Variants in RIMS1 observed in about 807,000 individuals in gnomAD.
RIMS1 encodes regulating synaptic membrane exocytosis protein 1.
In RIMS1, 83 loss-of-function variants were observed where a neutral mutation model predicts 214.1. The observed-to-expected ratio is 0.39, with a 90% CI of 0.32 to 0.47. The LOEUF is 0.47. Among genes scored for constraint, RIMS1 ranks in the 20% least tolerant of loss-of-function variants. The pLI, the probability that RIMS1 is intolerant of heterozygous loss-of-function variation, is 0.99. For missense variants in RIMS1, 2,050 were observed against 2,161.8 expected (o/e 0.95, Z 1.03); for synonymous variants, 793 against 786.8 (o/e 1.01, Z -0.13).
At chr6:72,226,679 A>G (rs1299946664) in intron 6 of RIMS1, among the ~76,000 whole-genome samples, 2 of 152,190 alleles carry the variant, frequency 1.3e-5, no homozygotes, top group Non-Finnish European at 2.9e-5. Flanking sequence ...CTTCAAGGAA[A>G]CATTGTTAGG....
chr6:72,018,110 T>C (rs1401649866), intron 2 of RIMS1, among the ~76,000 whole-genome samples: 1 of 151,522 alleles, frequency 6.6e-6, no homozygotes, highest in African/African-American at 2.4e-5. Flanking sequence ...AAACAACCCA[T>C]AAGAGTGCAG....
intron 1 of RIMS1, among the ~76,000 whole-genome samples, chr6:71,930,712 G>A (rs981773241): frequency 1.3e-5 from 2 of 151,912 alleles, no homozygotes; most frequent in Non-Finnish European, 1.5e-5. Context: ...TTTTCATAAC[G>A]AAAATCAAAA....
chr6:72,361,520 T>C (rs2097825315), intron 29 of RIMS1, among the ~76,000 whole-genome samples: 1 of 152,210 alleles, frequency 6.6e-6, no homozygotes. Flanking sequence ...TTCAAGTATT[T>C]TCAAAGTATT....
chr6:71,895,119 A>G (rs1771261057), intron 1 of RIMS1, among the ~76,000 whole-genome samples: 1 of 152,222 alleles, frequency 6.6e-6, no homozygotes, highest in South Asian at 2.1e-4. Flanking sequence ...CATAATATAC[A>G]CACTCACAAG....
intron 4 of RIMS1, among the ~76,000 whole-genome samples, chr6:72,149,793 T>C (rs550740679): frequency 2.0e-4 from 30 of 152,344 alleles, no homozygotes; most frequent in African/African-American, 7.0e-4. Flanking sequence ...ACATCCTTGA[T>C]TGAGCCTTTC....
chr6:72,263,241 T>C, intron 19 of RIMS1: 1 of 985,156 alleles, frequency 1.0e-6, no homozygotes, highest in Non-Finnish European at 1.2e-6. Context: ...TTAGTTTCTT[T>C]TCTCCCAAAT....
At chr6:72,194,896 T>C (rs142411771) in intron 6 of RIMS1, among the ~76,000 whole-genome samples, 2,546 of 152,300 alleles carry the variant, frequency 0.017, 33 homozygotes, top group Non-Finnish European at 0.023. Flanking sequence ...TCTCTTGTCT[T>C]TTAGCTTATA....
At chr6:71,981,795 A>T (rs1798551998) in intron 2 of RIMS1, among the ~76,000 whole-genome samples, 2 of 151,958 alleles carry the variant, frequency 1.3e-5, no homozygotes, top group African/African-American at 4.8e-5. Context: ...ATTTTTTTTT[A>T]AATCATTCAC....
intron 2 of RIMS1, among the ~76,000 whole-genome samples, chr6:71,995,522 T>TTG (rs567610596): frequency 2.4e-4 from 35 of 148,748 alleles, no homozygotes; most frequent in South Asian, 2.3e-3. Flanking sequence ...TTGTGTTTGT[T>TTG]TGTGTGTGTG....
intron 1 of RIMS1, among the ~76,000 whole-genome samples, chr6:71,964,054 G>A (rs986945902): frequency 2.0e-5 from 3 of 152,168 alleles, no homozygotes; most frequent in Non-Finnish European, 2.9e-5. Flanking sequence ...GTAGAGCAAC[G>A]TGAAGGGTGC....
chr6:72,351,386 T>C (rs903185045), intron 29 of RIMS1, among the ~76,000 whole-genome samples: 1 of 152,206 alleles, frequency 6.6e-6, no homozygotes, highest in African/African-American at 2.4e-5. Context: ...TCCACAGATA[T>C]TGATCAAGTG....
At chr6:72,208,328 C>T (rs978775899) in intron 6 of RIMS1, among the ~76,000 whole-genome samples, 2 of 152,146 alleles carry the variant, frequency 1.3e-5, no homozygotes, top group African/African-American at 4.8e-5. Context: ...AAGAAAATAA[C>T]ATTAAATTTG....
chr6:71,930,787 C>T (rs958615043), intron 1 of RIMS1, among the ~76,000 whole-genome samples: 28 of 151,946 alleles, frequency 1.8e-4, no homozygotes, highest in African/African-American at 6.8e-4. Flanking sequence ...GTTAGCACAA[C>T]CCAAATCTGA....
intron 2 of RIMS1, among the ~76,000 whole-genome samples, chr6:72,031,835 C>G (rs1818198648): frequency 6.6e-6 from 1 of 152,008 alleles, no homozygotes; most frequent in Admixed American, 6.6e-5. Flanking sequence ...TAGCAATATA[C>G]TCTGTGTTAT....
intron 6 of RIMS1, among the ~76,000 whole-genome samples, chr6:72,184,130 G>C (rs570512255): frequency 1.3e-5 from 2 of 152,194 alleles, no homozygotes; most frequent in South Asian, 4.1e-4. Context: ...TAAATTGCGT[G>C]GTATCTTGTG....
intron 29 of RIMS1, among the ~76,000 whole-genome samples, chr6:72,336,580 T>G (rs1254467179): frequency 6.6e-6 from 1 of 151,782 alleles, no homozygotes; most frequent in African/African-American, 2.4e-5. Flanking sequence ...ACGAATGAAC[T>G]TTGACTTCTC....
chr6:72,051,396 C>G (rs959215868), intron 2 of RIMS1, among the ~76,000 whole-genome samples: 28 of 152,286 alleles, frequency 1.8e-4, no homozygotes, highest in Non-Finnish European at 2.5e-4. Flanking sequence ...TATTACCTAA[C>G]TCATTTGAAA....
intron 29 of RIMS1, among the ~76,000 whole-genome samples, chr6:72,388,900 A>C (rs952682164): frequency 1.3e-5 from 2 of 152,168 alleles, no homozygotes; most frequent in African/African-American, 4.8e-5. Flanking sequence ...TGAAGTGCCT[A>C]TCAGATCTGT....
intron 2 of RIMS1, among the ~76,000 whole-genome samples, chr6:72,052,712 T>C (rs563119071): frequency 6.6e-6 from 1 of 152,350 alleles, no homozygotes; most frequent in African/African-American, 2.4e-5. Flanking sequence ...GAGAGCTAAA[T>C]GAGATGCTAT....
Sources: gnomAD v4.1 joint callset for allele counts (sites outside exome capture counted in the v4.1 genomes callset) on GRCh38, gnomAD v4.1.1 for gene constraint, MANE v1.5 for transcripts, NCBI Gene and HGNC (gene_info 2026-07-23, HGNC 2026-07-21) for gene names.